SCAMP1: variants seen among roughly 807,000 people sequenced by gnomAD.
The protein encoded by SCAMP1 is secretory carrier-associated membrane protein 1.
SCAMP1 carries 15 observed loss-of-function variants against 41.8 expected under a neutral mutation model. That is an observed-to-expected ratio of 0.36 (90% CI 0.24 to 0.55). The LOEUF is 0.55. Ranked by LOEUF, SCAMP1 falls within the 20% of genes least tolerant of loss-of-function variation. The pLI, the probability that SCAMP1 is intolerant of heterozygous loss-of-function variation, is 0.86. For missense variants in SCAMP1, 341 were observed against 412.6 expected, an observed-to-expected ratio of 0.83 and a Z score of 1.50; for synonymous variants, 135 against 136.8, an observed-to-expected ratio of 0.99 and a Z score of 0.09.
intron 8 of SCAMP1, among the ~76,000 whole-genome samples, chr5:78,469,267 C>G (rs887116446): frequency 2.6e-5 from 4 of 152,110 alleles, no homozygotes; most frequent in Non-Finnish European, 5.9e-5. Flanking sequence ...CTACTTCTCT[C>G]TCAGAACCAT....
At chr5:78,410,834 C>T (rs1256626397) in intron 2 of SCAMP1, among the ~76,000 whole-genome samples, 2 of 152,138 alleles carry the variant, frequency 1.3e-5, no homozygotes, top group Admixed American at 6.5e-5. Context: ...TTAATAGTTA[C>T]CATTCTGACT....
chr5:78,438,616 G>A (rs1752828673), intron 6 of SCAMP1, among the ~76,000 whole-genome samples: 1 of 152,122 alleles, frequency 6.6e-6, no homozygotes, highest in South Asian at 2.1e-4. Context: ...CATTTGCTGA[G>A]GAGTGCTTTA....
intron 2 of SCAMP1, 29 bp downstream of exon 2, chr5:78,388,943 A>G: frequency 1.7e-6 from 2 of 1,150,160 alleles, no homozygotes; most frequent in Non-Finnish European, 2.5e-6. Flanking sequence ...TTAAATGTTT[A>G]AATTGAAATT....
At chr5:78,435,887 G>A (rs942839772) in intron 6 of SCAMP1, among the ~76,000 whole-genome samples, 1 of 152,218 alleles carries the variant, frequency 6.6e-6, no homozygotes, top group African/African-American at 2.4e-5. Flanking sequence ...TCCAGCATCT[G>A]TTGTTTCCTG....
chr5:78,443,653 CTTTTTTTTTT>C (rs71613955), intron 6 of SCAMP1, among the ~76,000 whole-genome samples: 1 of 71,966 alleles, frequency 1.4e-5, no homozygotes, highest in Non-Finnish European at 2.4e-5. Flanking sequence ...AGTGGTTTTG[CTTTTTTTTTT>C]TTTTTTTTTT....
At chr5:78,393,741 C>T (rs533700242) in intron 2 of SCAMP1, among the ~76,000 whole-genome samples, 104 of 152,230 alleles carry the variant, frequency 6.8e-4, no homozygotes, top group African/African-American at 2.4e-3. Context: ...GGCCTACCCT[C>T]TAAAATCTAA....
intron 8 of SCAMP1, among the ~76,000 whole-genome samples, chr5:78,464,179 C>G (rs1183338080): frequency 6.6e-6 from 1 of 151,592 alleles, no homozygotes; most frequent in African/African-American, 2.4e-5. Flanking sequence ...GAGTCTTGCT[C>G]TGTCACCAGG....
At chr5:78,381,567 C>T (rs913197524) in intron 1 of SCAMP1, among the ~76,000 whole-genome samples, 1 of 152,214 alleles carries the variant, frequency 6.6e-6, no homozygotes, top group Non-Finnish European at 1.5e-5. Context: ...TTCTCACTGA[C>T]ACATGCCTTC....
At position 78,435,935 on chromosome 5, in the gene SCAMP1, G is replaced by A. The variant is rs1468902823; in HGVS notation, c.632+13975G>A. The stretch of plus-strand genomic sequence containing the variant: ...TTGCCATTCTAACTGGCGTGAGATG[G>A]TATCTCATTGTGGTTTTGATTTGCA... On this transcript the variant is annotated intron_variant, in intron 6 of 8. Transcript: ENST00000621999. 2.6e-5 allele frequency among the ~76,000 whole-genome samples: 4 copies of A among 152,130 alleles called. 1 individual carries two copies. Among genetic ancestry groups the A allele is most frequent in the Non-Finnish European group, 4.4e-5 (3 of 68,010 alleles).
intron 1 of SCAMP1, 186 bp downstream of exon 1, chr5:78,360,914 CTTGGGGG>C: frequency 1.0e-5 from 6 of 600,620 alleles, no homozygotes; most frequent in South Asian, 9.9e-5. Context: ...GGTTTTGGGG[CTTGGGGG>C]TGGAACCTCC....
chr5:78,442,783 G>A (rs187613330), intron 6 of SCAMP1, among the ~76,000 whole-genome samples: 9 of 152,264 alleles, frequency 5.9e-5, no homozygotes, highest in Admixed American at 2.6e-4. Context: ...CTATATATAA[G>A]AAACACTGCA....
chr5:78,464,094 C>G (rs543606943), intron 8 of SCAMP1, among the ~76,000 whole-genome samples: 1 of 152,210 alleles, frequency 6.6e-6, no homozygotes, highest in Non-Finnish European at 1.5e-5. Context: ...TCTCCTGACT[C>G]AGCCTCCCAA....
Position 78,456,917 on chromosome 5 carries a change from T to C in SCAMP1, c.735-2328T>C, listed in dbSNP as rs947233901. On this transcript the variant is annotated intron_variant, in intron 7 of 8. Coordinates refer to ENST00000621999, the MANE Select transcript of SCAMP1 (RefSeq NM_004866.6). ...TCTTTTTTCTCTAAACTTCCCTTCT[T>C]GCTTCATTTCATTCATTTCATCTTC... is the stretch of plus-strand genomic sequence containing the variant. Among the ~76,000 whole-genome samples the C allele has an allele frequency of 1.3e-3, 165 of 131,522 alleles. 1 individual carries two copies. Among genetic ancestry groups the C allele is most frequent in the African/African-American group, 4.5e-3 (144 of 32,318 alleles). 86.3% of individuals were successfully genotyped at this position (131,522 alleles called of 152,430 possible). A position where few individuals can be genotyped will look rare whatever the true frequency, so the allele number is the denominator to read the frequency against.
intron 7 of SCAMP1, among the ~76,000 whole-genome samples, chr5:78,456,070 A>G (rs1412201343): frequency 9.3e-5 from 9 of 96,696 alleles, no homozygotes; most frequent in Non-Finnish European, 4.1e-5. Flanking sequence ...TTTTGAGCCT[A>G]TGTGTGTCTC....
intron 2 of SCAMP1, among the ~76,000 whole-genome samples, chr5:78,400,688 T>C (rs1037882702): frequency 1.3e-5 from 2 of 152,252 alleles, no homozygotes; most frequent in African/African-American, 4.8e-5. Flanking sequence ...GACTTTTGTA[T>C]ATTAACTTTG....
chr5:78,421,438 CTTT>C (rs145894253), intron 5 of SCAMP1, among the ~76,000 whole-genome samples: 3,235 of 152,262 alleles, frequency 0.021, 56 homozygotes, highest in Middle Eastern at 0.045. Flanking sequence ...AGTCCTGGGT[CTTT>C]TCCTGGCAGA....
intron 1 of SCAMP1, among the ~76,000 whole-genome samples, chr5:78,361,577 A>G (rs1190269299): frequency 1.3e-5 from 2 of 152,220 alleles, no homozygotes; most frequent in Non-Finnish European, 2.9e-5. Context: ...GAATCCTGCA[A>G]AGGAAGGCGG....
chr5:78,413,136 A>G (rs1258736543), intron 2 of SCAMP1, among the ~76,000 whole-genome samples: 2 of 152,192 alleles, frequency 1.3e-5, no homozygotes, highest in Admixed American at 6.5e-5. Context: ...TATGATGCGA[A>G]GTAAGAAATG....
intron 4 of SCAMP1, 147 bp from the exon 5 acceptor site, chr5:78,418,628 A>G: frequency 1.8e-6 from 1 of 571,144 alleles, no homozygotes; most frequent in South Asian, 2.7e-5. Flanking sequence ...CTTGTCTTTC[A>G]GAGTTCTAGG....
Sources: allele counts gnomAD v4.1 joint callset (sites outside exome capture counted in the v4.1 genomes callset), GRCh38; gene constraint gnomAD v4.1.1; transcripts MANE v1.5; gene names NCBI Gene and HGNC (gene_info 2026-07-23, HGNC 2026-07-21).